The following SNAP29 variants were observed in gnomAD, a reference collection of about 807,000 sequenced individuals.
The protein encoded by SNAP29 is synaptosomal-associated protein 29.
In SNAP29, 13 loss-of-function variants were observed where a neutral mutation model predicts 27.9. The observed-to-expected ratio is 0.47, with a 90% CI of 0.30 to 0.74. The LOEUF (loss-of-function observed/expected upper bound fraction) is 0.74, where lower values mean the gene tolerates loss of function less well. SNAP29 is among the 30% of genes least tolerant of loss of function. The probability of loss-of-function intolerance (pLI) is 0.06; values close to 1 mark genes in which losing one functional copy is unlikely to be tolerated. For synonymous variants in SNAP29, 119 were observed against 127.1 expected, an observed-to-expected ratio of 0.94 and a Z score of 0.43; for missense variants, 368 against 336.5, an observed-to-expected ratio of 1.09 and a Z score of -0.73.
chr22:20,870,174 G>A (rs1364250699), intron 1 of SNAP29, among the ~76,000 whole-genome samples, 163 bp from the exon 2 acceptor site: 1 of 152,126 alleles, frequency 6.6e-6, no homozygotes, highest in African/African-American at 2.4e-5. Context: ...GAGAGGCAAA[G>A]GAATGTGTTG....
chr22:20,871,984 C>G (rs1337402194), intron 2 of SNAP29, among the ~76,000 whole-genome samples: 2 of 152,118 alleles, frequency 1.3e-5, no homozygotes, highest in African/African-American at 4.8e-5. Flanking sequence ...GTTTGTATTT[C>G]AGATCACTGT....
intron 4 of SNAP29, among the ~76,000 whole-genome samples, chr22:20,884,523 T>C (rs1216551011): frequency 2.6e-5 from 4 of 152,058 alleles, no homozygotes; most frequent in Non-Finnish European, 5.9e-5. Flanking sequence ...CTGGATGGGC[T>C]CCCCCGACTC....
chr22:20,879,216 A>G (rs1369133776), intron 2 of SNAP29, among the ~76,000 whole-genome samples: 1 of 151,886 alleles, frequency 6.6e-6, no homozygotes, highest in Non-Finnish European at 1.5e-5. Flanking sequence ...CTGAGACAGG[A>G]GAATGGTGTA....
chr22:20,872,436 T>C (rs1018942538), intron 2 of SNAP29, among the ~76,000 whole-genome samples: 2 of 152,066 alleles, frequency 1.3e-5, no homozygotes, highest in Middle Eastern at 3.4e-3. Flanking sequence ...AGTCTCACTC[T>C]GTCACCCAGG....
chr22:20,875,270 C>T lies in SNAP29; in HGVS notation c.434+4737C>T, dbSNP rs894058007. 1.3e-5 allele frequency among the ~76,000 whole-genome samples: 2 copies of T among 152,168 alleles called. 1 individual carries two copies. Among genetic ancestry groups the T allele is most frequent in the South Asian group, 4.1e-4 (2 of 4,830 alleles). On this transcript the variant is annotated intron_variant, in intron 2 of 4. Transcript: ENST00000215730. The stretch of plus-strand genomic sequence containing the variant: ...TTCTCATTTCCACTTAAAGCTGATG[C>T]GTTCCCGTCAAGGTCCCCAAAGTCA...
chr22:20,864,225 G>T (rs779136222), intron 1 of SNAP29, among the ~76,000 whole-genome samples: 3 of 152,146 alleles, frequency 2.0e-5, no homozygotes, highest in Non-Finnish European at 4.4e-5. Flanking sequence ...TTAGACCAGG[G>T]TTGGAACGGC....
intron 1 of SNAP29, among the ~76,000 whole-genome samples, chr22:20,868,402 A>G (rs1928510544): frequency 6.6e-6 from 1 of 152,244 alleles, no homozygotes; most frequent in Non-Finnish European, 1.5e-5. Context: ...AAAGTTTAAT[A>G]GTAAATTCAA....
At chr22:20,878,304 G>A (rs1928797051) in intron 2 of SNAP29, among the ~76,000 whole-genome samples, 1 of 152,190 alleles carries the variant, frequency 6.6e-6, no homozygotes, top group African/African-American at 2.4e-5. Flanking sequence ...CACTTTGGGA[G>A]GCCGAGGCGG....
At chr22:20,882,134 G>C (rs1227791302) in intron 3 of SNAP29, among the ~76,000 whole-genome samples, 2 of 151,858 alleles carry the variant, frequency 1.3e-5, no homozygotes, top group Non-Finnish European at 2.9e-5. Context: ...CTTCCCAAGA[G>C]CTCCAGAAGG....
At chr22:20,861,482 G>C (rs165678) in intron 1 of SNAP29, among the ~76,000 whole-genome samples, 2 of 151,794 alleles carry the variant, frequency 1.3e-5, no homozygotes, top group African/African-American at 2.4e-5. Context: ...CTGTCACCCA[G>C]GCTGGAGTGC....
In SNAP29 at chr22:20,859,064, G is replaced by C; in HGVS notation, c.-47G>C. 6.7e-7 allele frequency: 1 copy of C among 1,500,798 alleles called. No individual in the cohort carries two copies. Among genetic ancestry groups the C allele is most frequent in the Admixed American group, 1.8e-5 (1 of 54,866 alleles). 93.0% of individuals were successfully genotyped at this position (1,500,798 alleles called of 1,614,324 possible). A position where few individuals can be genotyped will look rare whatever the true frequency, so the allele number is the denominator to read the frequency against. ...GGCGAGGCCCTGGACGGCGGCGGCA[G>C]TGGGGCTCCTCCTTCTGTTTCCCAG... On this transcript the variant is annotated 5_prime_UTR_variant, in exon 1 of 5. Coordinates refer to ENST00000215730, the MANE Select transcript of SNAP29 (RefSeq NM_004782.4).
intron 4 of SNAP29, among the ~76,000 whole-genome samples, chr22:20,886,844 C>G (rs1158190653): frequency 6.6e-6 from 1 of 151,926 alleles, no homozygotes; most frequent in Non-Finnish European, 1.5e-5. Flanking sequence ...AAATCCCGAC[C>G]TCATACGATC....
intron 1 of SNAP29, among the ~76,000 whole-genome samples, chr22:20,868,086 T>C (rs1413683612): frequency 6.6e-6 from 1 of 152,232 alleles, no homozygotes; most frequent in African/African-American, 2.4e-5. Flanking sequence ...GGAGAAAATC[T>C]GTTAATCCTA....
At chr22:20,880,013 A>ACAAC (rs142478600) in intron 2 of SNAP29, among the ~76,000 whole-genome samples, 1 of 149,910 alleles carries the variant, frequency 6.7e-6, no homozygotes, top group Non-Finnish European at 1.5e-5. Flanking sequence ...ACCCTATCTC[A>ACAAC]AACAACAACA....
At chr22:20,886,668 G>T (rs1929022672) in intron 4 of SNAP29, among the ~76,000 whole-genome samples, 1 of 151,420 alleles carries the variant, frequency 6.6e-6, no homozygotes, top group South Asian at 2.1e-4. Context: ...TTGGAGTGCA[G>T]TGCATTGATC....
intron 2 of SNAP29, among the ~76,000 whole-genome samples, chr22:20,872,653 G>A (rs1175677485): frequency 2.0e-5 from 3 of 151,876 alleles, no homozygotes; most frequent in South Asian, 4.2e-4. Flanking sequence ...ATCCGCCTCC[G>A]CCTTCCAAAG....
intron 2 of SNAP29, among the ~76,000 whole-genome samples, chr22:20,874,646 G>C (rs1021846543): frequency 3.3e-5 from 5 of 151,566 alleles, no homozygotes; most frequent in African/African-American, 9.7e-5. Flanking sequence ...CGGCCTCAGT[G>C]AGTGCCCTGG....
rs965849561 is a variant in SNAP29, at chr22:20,888,311, T to A, written c.*475T>A. ...CACACCTTTGTTTAGGAGTCATCAT[T>A]CACACACACACACACACACACACAC... On this transcript the variant is annotated 3_prime_UTR_variant, in exon 5 of 5. Transcript: ENST00000215730. The A allele has an allele frequency of 1.0e-4, 18 of 174,562 alleles. No individual in the cohort carries two copies. Among genetic ancestry groups the A allele is most frequent in the African/African-American group, 6.1e-4 (18 of 29,744 alleles). 10.8% of individuals were successfully genotyped at this position (174,562 alleles called of 1,614,324 possible). A position where few individuals can be genotyped will look rare whatever the true frequency, so the allele number is the denominator to read the frequency against.
chr22:20,884,606 C>G (rs1193493120), intron 4 of SNAP29, among the ~76,000 whole-genome samples: 1 of 152,144 alleles, frequency 6.6e-6, no homozygotes, highest in East Asian at 1.9e-4. Context: ...TCTCAGGACC[C>G]TTGTGTTTCC....
Sources: gnomAD v4.1 joint callset for allele counts (sites outside exome capture counted in the v4.1 genomes callset) on GRCh38, gnomAD v4.1.1 for gene constraint, MANE v1.5 for transcripts, NCBI Gene and HGNC (gene_info 2026-07-23, HGNC 2026-07-21) for gene names.